ZNF577: variants seen among roughly 807,000 people sequenced by gnomAD.
ZNF577 encodes zinc finger protein 577.
In ZNF577, 14 loss-of-function variants were observed where a neutral mutation model predicts 13.9. The ratio of observed to expected loss-of-function variants is 1.00; its 90% CI spans 0.66 to 1.57. ZNF577 has a LOEUF of 1.57. Among genes scored for constraint, ZNF577 ranks in the 40% most tolerant of loss-of-function variants. The pLI is 0.00. For synonymous variants in ZNF577, 203 were observed against 202.9 expected, an observed-to-expected ratio of 1.00 and a Z score of 0.00; for missense variants, 555 against 579.2, an observed-to-expected ratio of 0.96 and a Z score of 0.43.
intron 9 of ZNF577, chr19:51,817,723 A>G (rs559490192): frequency 6.6e-6 from 1 of 152,344 alleles, no homozygotes; most frequent in Non-Finnish European, 1.5e-5. Context: ...AATAAAGCCA[A>G]TAAAAACTTT....
In ZNF577 at chr19:51,873,437, G is replaced by A; in HGVS notation, c.553C>T (p.Pro185Ser). The A allele has an allele frequency of 1.9e-6, 3 of 1,614,154 alleles. No individual in the cohort carries two copies. The highest frequency in any genetic ancestry group is 2.5e-6 in the Non-Finnish European group (3 of 1,180,042). The change falls in exon 6 of 6, where the codon CCC becomes TCC. Residue 185 changes from proline (P) to serine (S), a missense_variant. By Grantham distance (74) the Pro-to-Ser change is moderately conservative. Coordinates refer to ENST00000638348, the MANE Select transcript of ZNF577 (RefSeq NM_001370449.1). The part of the protein sequence containing the change: ...QHQRTERGEK[P>S]HGCGECGKTF... Reference sequence around the variant, plus strand: ...TTCCCACATTCACCACATCCATGGGGTTTCTCTCCTCTTTCAGTTCTCTGA... The same window carrying A: ...TTCCCACATTCACCACATCCATGGGATTTCTCTCCTCTTTCAGTTCTCTGA...
At chr19:51,806,222 T>G (rs1021355681) in intron 10 of ZNF577, among the ~76,000 whole-genome samples, 2 of 152,178 alleles carry the variant, frequency 1.3e-5, no homozygotes, top group Non-Finnish European at 2.9e-5. Context: ...GGGCCCATGG[T>G]TGGCCACCCC....
intron 9 of ZNF577, among the ~76,000 whole-genome samples, chr19:51,834,712 C>T (rs1339583904): frequency 6.6e-6 from 1 of 151,910 alleles, no homozygotes; most frequent in East Asian, 1.9e-4. Flanking sequence ...AAGACAGGGT[C>T]TTGCTCTGTC....
intron 9 of ZNF577, among the ~76,000 whole-genome samples, chr19:51,814,826 T>A (rs958695714): frequency 1.3e-5 from 2 of 151,502 alleles, no homozygotes; most frequent in African/African-American, 2.4e-5. Flanking sequence ...TTGGTTTGGT[T>A]TGAGACACAG....
At chr19:51,859,776 T>C (rs888642878) in intron 5 of ZNF577, among the ~76,000 whole-genome samples, 1 of 152,122 alleles carries the variant, frequency 6.6e-6, no homozygotes, top group Admixed American at 6.5e-5. Flanking sequence ...AAAAACATTT[T>C]ATTTGCACTA....
chr19:51,832,899 C>T (rs2084267712), intron 9 of ZNF577, among the ~76,000 whole-genome samples: 1 of 152,126 alleles, frequency 6.6e-6, no homozygotes, highest in African/African-American at 2.4e-5. Flanking sequence ...TACCGTTTAG[C>T]CAATATCACA....
In ZNF577 at chr19:51,824,945, C is replaced by A; in HGVS notation, c.*600-13271G>T. ...AACATAAAGGAAGTCTGTACCAAATCTGTAGGGGGTTTTTCCCACAACCAA... is the reference window on the plus strand; with the variant it reads ...AACATAAAGGAAGTCTGTACCAAATATGTAGGGGGTTTTTCCCACAACCAA... On this transcript the variant is annotated intron_variant and NMD_transcript_variant, in intron 9 of 10. Transcript: ENST00000638827. This position sits in a 1 kb window ranked among gnomAD's most constrained non-coding sequence, Gnocchi z 4.7. The A allele has an allele frequency of 1.4e-6, 1 of 728,844 alleles. No homozygotes were observed. The highest frequency in any genetic ancestry group is 2.3e-6 in the Non-Finnish European group (1 of 441,416). The allele number at this position is 728,844 out of a possible 1,614,324, so 45.1% of individuals were successfully genotyped here.
At chr19:51,821,470 C>T (rs1483903641) in intron 9 of ZNF577, among the ~76,000 whole-genome samples, 4 of 152,086 alleles carry the variant, frequency 2.6e-5, no homozygotes, top group Admixed American at 1.3e-4. Flanking sequence ...ACAGAACAGT[C>T]CCCCACAACA....
At chr19:51,844,051 T>G (rs1293738092) in intron 6 of ZNF577, among the ~76,000 whole-genome samples, 1 of 42,782 alleles carries the variant, frequency 2.3e-5, no homozygotes, top group Non-Finnish European at 4.4e-5. Context: ...GCCACTACAC[T>G]TTTTTTTTTT....
intron 9 of ZNF577, among the ~76,000 whole-genome samples, chr19:51,831,440 A>G (rs1388565980): frequency 2.0e-5 from 3 of 152,168 alleles, no homozygotes; most frequent in Non-Finnish European, 4.4e-5. Flanking sequence ...AATCTAATCC[A>G]TCACCATATC....
chr19:51,844,137 C>G (rs747892208), intron 6 of ZNF577, among the ~76,000 whole-genome samples: 6 of 148,288 alleles, frequency 4.0e-5, no homozygotes, highest in Non-Finnish European at 8.9e-5. Context: ...TGATGATACT[C>G]ATAAAGAAAA....
intron 4 of ZNF577, 80 bp downstream of exon 4, chr19:51,878,309 A>G: frequency 6.9e-7 from 1 of 1,444,028 alleles, no homozygotes; most frequent in Non-Finnish European, 9.4e-7. Flanking sequence ...ACTTTAGTCT[A>G]AACCATTAAA....
In ZNF577 at chr19:51,886,214, A is replaced by G. The variant is rs186123789; in HGVS notation, c.-219+607T>C. 32 of 152,264 alleles carry G rather than the reference A, an allele frequency of 2.1e-4. No individual in the cohort carries two copies. In the East Asian group the frequency reaches 5.8e-3, roughly 28 times the overall value. The allele number at this position is 152,264 out of a possible 1,614,324, so 9.4% of individuals were successfully genotyped here. A position where few individuals can be genotyped will look rare whatever the true frequency, so the allele number is the denominator to read the frequency against. ...AAGTATAATCACTTGAAAAAAACTT[A>G]AGAGACCAATTTCTCTTATAAATGT... is the stretch of plus-strand genomic sequence containing the variant. On this transcript the variant is annotated intron_variant, in intron 1 of 5. Transcript: ENST00000638348.
intron 8 of ZNF577, chr19:51,840,387 TGGAGCAAGGAAGTG>T (rs1361925609): frequency 6.6e-6 from 1 of 152,342 alleles, no homozygotes; most frequent in East Asian, 1.9e-4. Flanking sequence ...GACTAGGCAG[TGGAGCAAGGAAGTG>T]GGAGCAGGCA....
intron 5 of ZNF577, among the ~76,000 whole-genome samples, chr19:51,858,207 T>C (rs2084458796): frequency 6.6e-6 from 1 of 152,248 alleles, no homozygotes; most frequent in Non-Finnish European, 1.5e-5. Context: ...CCTCTCATTA[T>C]ATAAAGCCTA....
intron 10 of ZNF577, chr19:51,811,366 A>C (rs1356678197): frequency 6.6e-6 from 1 of 152,032 alleles, no homozygotes; most frequent in Non-Finnish European, 1.5e-5. Context: ...GCACATAATT[A>C]TTTTTTTCAG....
intron 10 of ZNF577, among the ~76,000 whole-genome samples, chr19:51,806,934 T>C (rs1305546674): frequency 1.3e-5 from 2 of 152,366 alleles, no homozygotes; most frequent in South Asian, 2.1e-4. Flanking sequence ...TGTAAGTTGA[T>C]AGGTAGCAAT....
At chr19:51,876,465 A>AG (rs2084765078) in intron 5 of ZNF577, among the ~76,000 whole-genome samples, 1 of 151,766 alleles carries the variant, frequency 6.6e-6, no homozygotes, top group Non-Finnish European at 1.5e-5. Context: ...AAAAAAAAAA[A>AG]CAGAAGCTGG....
In ZNF577 at chr19:51,869,683, C is replaced by T. The variant is rs78451150; in HGVS notation, c.*2849G>A. 0.066 allele frequency among the ~76,000 whole-genome samples: 9,984 copies of T among 152,186 alleles called. 458 individuals carry two copies. The highest frequency in any genetic ancestry group is 0.099 in the Non-Finnish European group (6,700 of 67,998). ...GACGAGAAACACCCACAGGTGTGGA[C>T]GGGCTGGACCCCTTCAATGTGGAGA... On this transcript the variant is annotated 3_prime_UTR_variant, in exon 6 of 6. Coordinates refer to ENST00000638348, the MANE Select transcript of ZNF577 (RefSeq NM_001370449.1).
Sources: gnomAD v4.1 joint callset for allele counts (sites outside exome capture counted in the v4.1 genomes callset) on GRCh38, gnomAD v4.1.1 for gene constraint, Gnocchi (gnomAD v3.1) non-coding constraint, MANE v1.5 for transcripts, NCBI Gene and HGNC (gene_info 2026-07-23, HGNC 2026-07-21) for gene names.